The following APOOL variants were observed in gnomAD, a reference collection of about 807,000 sequenced individuals.
The protein encoded by APOOL is apolipoprotein O like.
In APOOL, 12 loss-of-function variants were observed where a neutral mutation model predicts 23.1. The observed-to-expected ratio is 0.52, with a 90% confidence interval of 0.33 to 0.84. The LOEUF is 0.84. Ranked by LOEUF, APOOL falls within the 40% of genes least tolerant of loss-of-function variation. The pLI, the probability that APOOL is intolerant of heterozygous loss-of-function variation, is 0.02. For synonymous variants in APOOL, 77 were observed against 69.9 expected (o/e 1.10, Z -0.51); for missense variants, 212 against 199.6 (o/e 1.06, Z -0.37).
At chrX:85,059,330 A>G (rs1216029045) in intron 5 of APOOL, among the ~76,000 whole-genome samples, 2 of 109,590 alleles carry the variant, frequency 1.8e-5, no homozygotes, top group African/African-American at 3.3e-5. Flanking sequence ...TAGTGCCGCA[A>G]TAAACATACG....
rs938548848 is a variant in APOOL, at chrX:85,088,507, A to T, written c.*829A>T. The stretch of plus-strand genomic sequence containing the variant: ...ACAGGCTTCCTAATACTGCTTAGCA[A>T]TCCTTCTACTGGTTCCTAAGTGGTT... On this transcript the variant is annotated 3_prime_UTR_variant, in exon 9 of 9. Coordinates refer to ENST00000373173, the MANE Select transcript of APOOL (RefSeq NM_198450.6). 1 of 107,706 alleles carries T rather than the reference A, an allele frequency of 9.3e-6. No individual in the cohort carries two copies. The highest frequency in any genetic ancestry group is 1.0e-4 in the Admixed American group (1 of 9,859). 8.9% of individuals were successfully genotyped at this position (107,706 alleles called of 1,213,427 possible). A position where few individuals can be genotyped will look rare whatever the true frequency, so the allele number is the denominator to read the frequency against.
chrX:85,019,501 A>ATCT (rs1463250942), intron 1 of APOOL, among the ~76,000 whole-genome samples: 3 of 112,177 alleles, frequency 2.7e-5, no homozygotes, highest in Non-Finnish European at 5.6e-5. Flanking sequence ...TTTATAAATA[A>ATCT]TCCAGCTTAA....
At chrX:85,063,727 G>A (rs994741560) in intron 5 of APOOL, among the ~76,000 whole-genome samples, 2 of 111,520 alleles carry the variant, frequency 1.8e-5, no homozygotes, top group African/African-American at 6.5e-5. Context: ...ACTTGATCAT[G>A]GTGGATAAGA....
intron 1 of APOOL, among the ~76,000 whole-genome samples, chrX:85,024,441 T>A (rs1326524388): frequency 8.9e-6 from 1 of 112,213 alleles, no homozygotes; most frequent in Non-Finnish European, 1.9e-5. Context: ...ACTTTTAGTC[T>A]CCACTGATTG....
Position 85,063,652 on chromosome X carries a change from G to A in APOOL, c.395-3475G>A, listed in dbSNP as rs377199858. On this transcript the variant is annotated intron_variant, in intron 5 of 8. Transcript: ENST00000373173. The stretch of plus-strand genomic sequence containing the variant: ...GGTTTTTGTCTTTAGTTCTTTTTAC[G>A]TGATGAATTACATTTATTGATTTTG... Among the ~76,000 whole-genome samples, 18 of 110,983 alleles carry A rather than the reference G, an allele frequency of 1.6e-4. No homozygotes were observed. The East Asian group carries it at 2.3e-3, about 14-fold the overall frequency.
intron 6 of APOOL, among the ~76,000 whole-genome samples, chrX:85,071,007 C>T (rs1368058182): frequency 3.6e-5 from 4 of 111,308 alleles, no homozygotes; most frequent in African/African-American, 9.8e-5. Context: ...GGAAATTCTG[C>T]CATTTGCAAT....
intron 3 of APOOL, among the ~76,000 whole-genome samples, chrX:85,053,918 A>G (rs1262670448): frequency 9.0e-6 from 1 of 111,397 alleles, no homozygotes; most frequent in East Asian, 2.8e-4. Flanking sequence ...CCTTTGCTTT[A>G]GGCTTTTTGC....
intron 1 of APOOL, among the ~76,000 whole-genome samples, chrX:85,033,356 C>T (rs1922108434): frequency 8.9e-6 from 1 of 111,982 alleles, no homozygotes; most frequent in Admixed American, 9.5e-5. Context: ...ACTTTTAGAG[C>T]TGTGTTACAG....
chrX:85,074,941 A>G (rs1923788944), intron 8 of APOOL, among the ~76,000 whole-genome samples: 2 of 110,461 alleles, frequency 1.8e-5, no homozygotes, highest in Non-Finnish European at 3.8e-5. Flanking sequence ...TGTGGGACCA[A>G]GCAGTGACAA....
At chrX:85,040,651 T>C (rs900599189) in intron 1 of APOOL, among the ~76,000 whole-genome samples, 4 of 111,856 alleles carry the variant, frequency 3.6e-5, no homozygotes, top group African/African-American at 1.3e-4. Context: ...CAAGCTCAGA[T>C]TCTTCCCTCA....
At chrX:85,040,909 T>C (rs1430760569) in intron 1 of APOOL, among the ~76,000 whole-genome samples, 2 of 112,087 alleles carry the variant, frequency 1.8e-5, no homozygotes, top group African/African-American at 6.5e-5. Context: ...TCTGGTTGAG[T>C]ACCATTGCTG....
intron 8 of APOOL, among the ~76,000 whole-genome samples, chrX:85,084,387 G>A (rs776183449): frequency 4.6e-5 from 5 of 109,746 alleles, no homozygotes; most frequent in Admixed American, 9.8e-5. Context: ...CTCCCACCTC[G>A]GCCTCCCAAA....
intron 8 of APOOL, among the ~76,000 whole-genome samples, chrX:85,083,143 A>G (rs754885873): frequency 7.2e-5 from 8 of 111,170 alleles, no homozygotes; most frequent in Non-Finnish European, 9.4e-5. Flanking sequence ...GGTGCCCTTT[A>G]TCTTCTGGAG....
At chrX:85,067,272 G>C in intron 6 of APOOL, 54 bp downstream of exon 6, 1 of 831,431 alleles carries the variant, frequency 1.2e-6, no homozygotes. Context: ...AACTCTCAAT[G>C]TGACAATATT....
chrX:85,088,332 T>G lies in APOOL; in HGVS notation c.*654T>G, dbSNP rs1325686257. 1 of 82,763 alleles carries G rather than the reference T, an allele frequency of 1.2e-5. No homozygotes were observed. The highest frequency in any genetic ancestry group is 2.3e-5 in the Non-Finnish European group (1 of 43,242). The allele number at this position is 82,763 out of a possible 1,213,427, so 6.8% of individuals were successfully genotyped here. On this transcript the variant is annotated 3_prime_UTR_variant, in exon 9 of 9. Coordinates refer to ENST00000373173, the MANE Select transcript of APOOL (RefSeq NM_198450.6). ...TTTCCCTCTGTTTTTTTTTTTTTTT[T>G]TTTTTTTTTTTTTCCCATTTCCTAG...
At chrX:85,044,619 C>T (rs1922513025) in intron 1 of APOOL, among the ~76,000 whole-genome samples, 1 of 110,951 alleles carries the variant, frequency 9.0e-6, no homozygotes, top group Admixed American at 9.6e-5. Flanking sequence ...CATACTGCCT[C>T]CTCAATAAAA....
Position 85,091,567 on chromosome X carries a change from A to G in APOOL, c.*3889A>G, listed in dbSNP as rs1326905203. 3 of 112,195 alleles carry G rather than the reference A, an allele frequency of 2.7e-5. No individual in the cohort carries two copies. Among genetic ancestry groups the G allele is most frequent in the Admixed American group, 1.9e-4 (2 of 10,597 alleles). The allele number at this position is 112,195 out of a possible 1,213,427, so 9.2% of individuals were successfully genotyped here. Reference sequence around the variant, plus strand: ...TCACACGTTCTGCTATGCTGGTTGCAGCACAGGACACAAAAGTTAGAATTA... The same window carrying G: ...TCACACGTTCTGCTATGCTGGTTGCGGCACAGGACACAAAAGTTAGAATTA... On this transcript the variant is annotated 3_prime_UTR_variant, in exon 9 of 9. Coordinates refer to ENST00000373173, the MANE Select transcript of APOOL (RefSeq NM_198450.6).
Position 85,092,526 on chromosome X carries a change from A to G in APOOL, c.*4848A>G, listed in dbSNP as rs372358138. The G allele has an allele frequency of 4.1e-6, 5 of 1,208,748 alleles. No homozygotes were observed. In the African/African-American group the frequency reaches 5.2e-5, roughly 13 times the overall value. The stretch of plus-strand genomic sequence containing the variant: ...AAGCCTGGTTCCAAATGACGACAAG[A>G]AAGTGCATGCAGTTACATTGAGTTG... On this transcript the variant is annotated 3_prime_UTR_variant, in exon 9 of 9. Transcript: ENST00000373173.
At chrX:85,007,749 TGA>T (rs1037809892) in intron 1 of APOOL, among the ~76,000 whole-genome samples, 1 of 111,370 alleles carries the variant, frequency 9.0e-6, no homozygotes, top group Non-Finnish European at 1.9e-5. Flanking sequence ...TGCCAGAGGT[TGA>T]GAGTGAGTTT....
Sources: allele counts gnomAD v4.1 joint callset (sites outside exome capture counted in the v4.1 genomes callset), GRCh38; gene constraint gnomAD v4.1.1; transcripts MANE v1.5; gene names NCBI Gene and HGNC (gene_info 2026-07-23, HGNC 2026-07-21).